The following NKAIN3 variants were observed in gnomAD, a reference collection of about 807,000 sequenced individuals.
The protein encoded by NKAIN3 is sodium/potassium transporting ATPase interacting 3.
Under a neutral mutation model 30.2 loss-of-function variants are expected in NKAIN3, and 25 were observed. The observed-to-expected ratio is 0.83, with a 90% CI of 0.60 to 1.16. The LOEUF is 1.16. Among genes scored for constraint, NKAIN3 ranks in the 50% most tolerant of loss-of-function variants. NKAIN3 has a pLI of 0.00. For missense variants in NKAIN3, 225 were observed against 254.1 expected (o/e 0.89, Z 0.78); for synonymous variants, 91 against 89.6 (o/e 1.02, Z -0.09).
At chr8:62,467,302 T>C (rs898555920) in intron 1 of NKAIN3, among the ~76,000 whole-genome samples, 9 of 152,202 alleles carry the variant, frequency 5.9e-5, no homozygotes, top group Admixed American at 5.2e-4. Flanking sequence ...GATTACATAC[T>C]TCTTTAGAAA....
At chr8:62,806,784 C>T (rs1177365988) in intron 4 of NKAIN3, among the ~76,000 whole-genome samples, 4 of 150,754 alleles carry the variant, frequency 2.7e-5, no homozygotes, top group Non-Finnish European at 4.4e-5. Flanking sequence ...TGCACATGTA[C>T]CCTAAAAGTT....
chr8:62,500,469 G>A (rs1056718323), intron 1 of NKAIN3, among the ~76,000 whole-genome samples: 244 of 119,348 alleles, frequency 2.0e-3, no homozygotes, highest in African/African-American at 7.4e-3. Flanking sequence ...AAGAAAGAAA[G>A]AAAGAAAGAA....
At chr8:62,948,552 C>T (rs917236988) in intron 5 of NKAIN3, among the ~76,000 whole-genome samples, 2 of 152,096 alleles carry the variant, frequency 1.3e-5, no homozygotes, top group African/African-American at 2.4e-5. Flanking sequence ...AAATATTTAT[C>T]TTAAAGTGGA....
At chr8:62,682,117 G>A (rs1219452667) in intron 3 of NKAIN3, among the ~76,000 whole-genome samples, 2 of 152,126 alleles carry the variant, frequency 1.3e-5, no homozygotes, top group African/African-American at 4.8e-5. Context: ...GAAGGAAGCA[G>A]ATTGCTCCTG....
Position 62,972,534 on chromosome 8 carries a change from C to T in NKAIN3, c.*7127C>T, listed in dbSNP as rs1823856350. Among the ~76,000 whole-genome samples, 2 of 152,080 alleles carry T rather than the reference C, an allele frequency of 1.3e-5. No homozygotes were observed. Among genetic ancestry groups the T allele is most frequent in the Admixed American group, 6.6e-5 (1 of 15,242 alleles). ...AAGATTTTTTTGTCTCTCTCTGAATCAAGTTCGTCGTCTATTTACGTGCTT... is the reference window on the plus strand; with the variant it reads ...AAGATTTTTTTGTCTCTCTCTGAATTAAGTTCGTCGTCTATTTACGTGCTT... On this transcript the variant is annotated 3_prime_UTR_variant, in exon 7 of 7. Coordinates refer to ENST00000623646, the MANE Select transcript of NKAIN3 (RefSeq NM_001304533.3).
intron 4 of NKAIN3, among the ~76,000 whole-genome samples, chr8:62,828,262 A>G (rs756471845): frequency 2.2e-4 from 34 of 152,198 alleles, no homozygotes; most frequent in Non-Finnish European, 7.3e-5. Context: ...TGGGGTAAGA[A>G]TATAATTATA....
At chr8:62,368,449 GATC>G (rs1239901472) in intron 1 of NKAIN3, among the ~76,000 whole-genome samples, 2 of 152,098 alleles carry the variant, frequency 1.3e-5, no homozygotes, top group Admixed American at 6.5e-5. Context: ...ACACAGAAAG[GATC>G]ATCTTTTTAA....
intron 1 of NKAIN3, among the ~76,000 whole-genome samples, chr8:62,499,861 C>CT (rs963140618): frequency 1.8e-4 from 27 of 151,034 alleles, no homozygotes; most frequent in South Asian, 1.3e-3. Context: ...TTCTCTCTTT[C>CT]TTTTTTTTTC....
chr8:62,542,294 AG>A (rs1362906741), intron 1 of NKAIN3, among the ~76,000 whole-genome samples: 1 of 152,168 alleles, frequency 6.6e-6, no homozygotes, highest in Non-Finnish European at 1.5e-5. Context: ...CTAGAGGGTA[AG>A]TGTTCCATCT....
intron 4 of NKAIN3, among the ~76,000 whole-genome samples, chr8:62,762,546 G>T (rs888144404): frequency 6.6e-6 from 1 of 152,154 alleles, no homozygotes; most frequent in African/African-American, 2.4e-5. Context: ...TTAACCAGAA[G>T]AATGGCATAT....
At chr8:62,676,099 C>T (rs935081687) in intron 3 of NKAIN3, among the ~76,000 whole-genome samples, 4 of 152,140 alleles carry the variant, frequency 2.6e-5, no homozygotes, top group African/African-American at 9.7e-5. Flanking sequence ...ATTTAATGTT[C>T]ACAAAAATCT....
intron 5 of NKAIN3, among the ~76,000 whole-genome samples, chr8:62,921,126 A>C (rs757251030): frequency 6.6e-5 from 10 of 152,324 alleles, no homozygotes; most frequent in Middle Eastern, 3.4e-3. Context: ...ACCAACCCTC[A>C]GTGAGGAAGA....
chr8:62,512,111 A>T (rs890398455), intron 1 of NKAIN3, among the ~76,000 whole-genome samples: 4 of 152,096 alleles, frequency 2.6e-5, no homozygotes, highest in African/African-American at 4.8e-5. Flanking sequence ...TATACCATGA[A>T]ATTCTGGGAA....
intron 1 of NKAIN3, among the ~76,000 whole-genome samples, chr8:62,268,298 G>A (rs950477341): frequency 3.3e-5 from 5 of 152,204 alleles, no homozygotes; most frequent in Admixed American, 3.3e-4. Context: ...TGTCTGGAGA[G>A]AAAGACTGTC....
At chr8:62,281,631 T>C (rs1196549039) in intron 1 of NKAIN3, among the ~76,000 whole-genome samples, 1 of 152,226 alleles carries the variant, frequency 6.6e-6, no homozygotes, top group Non-Finnish European at 1.5e-5. Context: ...TTTCGTCATG[T>C]ACCCAGTAGT....
chr8:62,488,422 T>C (rs113563211), intron 1 of NKAIN3, among the ~76,000 whole-genome samples: 1 of 152,236 alleles, frequency 6.6e-6, no homozygotes, highest in Non-Finnish European at 1.5e-5. Context: ...CATCATTTTA[T>C]GTAACTGTTC....
chr8:62,286,206 A>T (rs1384679), intron 1 of NKAIN3, among the ~76,000 whole-genome samples: 4,219 of 152,276 alleles, frequency 0.028, 93 homozygotes, highest in South Asian at 0.073. Flanking sequence ...TAAATTCAGG[A>T]CACTAACCCC....
chr8:62,685,972 A>T (rs7826020), intron 3 of NKAIN3, among the ~76,000 whole-genome samples: 151,721 of 152,272 alleles, frequency 1, 75,585 homozygotes, highest in East Asian at 1. Context: ...ACATTTTTTT[A>T]AATTAAATAA....
At chr8:62,811,638 G>GT (rs1277014325) in intron 4 of NKAIN3, among the ~76,000 whole-genome samples, 2 of 149,392 alleles carry the variant, frequency 1.3e-5, no homozygotes, top group Non-Finnish European at 3.0e-5. Context: ...TGGAGAATAT[G>GT]TTTTTTGTGC....
Sources: gnomAD v4.1 joint callset for allele counts (sites outside exome capture counted in the v4.1 genomes callset) on GRCh38, gnomAD v4.1.1 for gene constraint, MANE v1.5 for transcripts, NCBI Gene and HGNC (gene_info 2026-07-23, HGNC 2026-07-21) for gene names.